STK31: variants seen among roughly 807,000 people sequenced by gnomAD.
STK31 encodes the protein serine/threonine-protein kinase 31.
Under a neutral mutation model 129.7 loss-of-function variants are expected in STK31, and 89 were observed. The ratio of observed to expected loss-of-function variants is 0.69; its 90% CI spans 0.58 to 0.82. STK31 has a LOEUF of 0.82. Ranked by LOEUF, STK31 falls within the 40% of genes least tolerant of loss-of-function variation. STK31 has a pLI of 0.00. For synonymous variants in STK31, 448 were observed against 395.3 expected (o/e 1.13, Z -1.58); for missense variants, 1,187 against 1,176.4 (o/e 1.01, Z -0.13).
At chr7:23,724,846 ATTTG>A (rs1786957475) in intron 4 of STK31, among the ~76,000 whole-genome samples, 1 of 152,082 alleles carries the variant, frequency 6.6e-6, no homozygotes, top group South Asian at 2.1e-4. Flanking sequence ...TTATTTATTT[ATTTG>A]TTTGTCTGAA....
intron 5 of STK31, among the ~76,000 whole-genome samples, chr7:23,728,441 T>A (rs899393672): frequency 1.3e-5 from 2 of 152,208 alleles, no homozygotes; most frequent in African/African-American, 4.8e-5. Flanking sequence ...GAAAATGGTT[T>A]ATTTTAGTGG....
rs944741421 is a variant in STK31, at chr7:23,797,426, GCAAT to G, written c.2760+6484_2760+6487del. Reference sequence around the variant, plus strand: ...TCTTAATGGTCTCTCAGACCACAGTGCAATCAAATTAGAACTCAGGATTAAGAAA... The same window carrying G: ...TCTTAATGGTCTCTCAGACCACAGTGCAAATTAGAACTCAGGATTAAGAAA... On this transcript the variant is annotated intron_variant, in intron 22 of 23. Coordinates refer to ENST00000355870, the MANE Select transcript of STK31 (RefSeq NM_031414.5). 5.9e-5 allele frequency among the ~76,000 whole-genome samples: 9 copies of G among 152,262 alleles called. No homozygotes were observed. In the East Asian group the frequency reaches 1.2e-3, roughly 20 times the overall value.
intron 13 of STK31, 120 bp downstream of exon 13, chr7:23,769,876 C>A (rs530247422): frequency 7.2e-6 from 4 of 557,028 alleles, no homozygotes; most frequent in South Asian, 3.9e-5. Flanking sequence ...TAAGACTGAT[C>A]TTAGCTTTCT....
rs1288866410 is a variant in STK31 at position 23,815,222 on chromosome 7, C to T, written c.2829+10C>T. 1 of 1,560,506 alleles carries T rather than the reference C, an allele frequency of 6.4e-7. No individual in the cohort carries two copies. Among genetic ancestry groups the T allele is most frequent in the East Asian group, 2.3e-5 (1 of 42,730 alleles). On this transcript the variant is annotated intron_variant, in intron 23 of 23. Transcript: ENST00000355870. ...GGATCAGTTTCATCTGGTATGTGAC[C>T]TTTTTGACATTTACTGGTTTGAAAC...
chr7:23,724,467 A>G (rs921520033), intron 4 of STK31, among the ~76,000 whole-genome samples: 1 of 152,254 alleles, frequency 6.6e-6, no homozygotes, highest in Non-Finnish European at 1.5e-5. Flanking sequence ...AGCGAGTTAG[A>G]GTAAAAACAA....
At chr7:23,827,210 T>C (rs1794215828) in intron 23 of STK31, among the ~76,000 whole-genome samples, 1 of 152,244 alleles carries the variant, frequency 6.6e-6, no homozygotes, top group Admixed American at 6.5e-5. Flanking sequence ...TTGGTTCCAT[T>C]CTCTTCGTCA....
intron 6 of STK31, among the ~76,000 whole-genome samples, chr7:23,734,106 T>G (rs187478218): frequency 6.6e-6 from 1 of 152,310 alleles, no homozygotes; most frequent in Admixed American, 6.5e-5. Context: ...TATTTTGTGG[T>G]TTTTAGTGTG....
chr7:23,822,580 G>A (rs866149803), intron 23 of STK31, among the ~76,000 whole-genome samples: 7 of 152,058 alleles, frequency 4.6e-5, no homozygotes, highest in Admixed American at 3.3e-4. Flanking sequence ...TGCAAAGAGG[G>A]ACAGTTTGAC....
intron 8 of STK31, among the ~76,000 whole-genome samples, chr7:23,750,286 G>C (rs912664876): frequency 3.3e-5 from 5 of 152,066 alleles, no homozygotes; most frequent in Admixed American, 2.0e-4. Flanking sequence ...TCTAGGCACT[G>C]CTTCCTGTAG....
chr7:23,764,806 T>G (rs1789705998), intron 11 of STK31, among the ~76,000 whole-genome samples: 1 of 152,168 alleles, frequency 6.6e-6, no homozygotes, highest in African/African-American at 2.4e-5. Flanking sequence ...GATTGTAATG[T>G]ATTTAAAAAT....
intron 10 of STK31, among the ~76,000 whole-genome samples, chr7:23,757,064 G>A (rs1388825600): frequency 6.6e-6 from 1 of 152,148 alleles, no homozygotes; most frequent in African/African-American, 2.4e-5. Flanking sequence ...CAAAAGGAAT[G>A]GTATCAGCTG....
intron 16 of STK31, 78 bp from the exon 17 acceptor site, chr7:23,783,504 TA>T: frequency 1.0e-6 from 1 of 996,846 alleles, no homozygotes; most frequent in Non-Finnish European, 1.5e-6. Flanking sequence ...TAGATGCTGA[TA>T]TATTTTCCTG....
intron 15 of STK31, among the ~76,000 whole-genome samples, chr7:23,774,659 G>A (rs1339146945): frequency 6.6e-6 from 1 of 151,898 alleles, no homozygotes; most frequent in Non-Finnish European, 1.5e-5. Flanking sequence ...TTTAAGTCGT[G>A]GTAGATTCTG....
chr7:23,786,315 G>C (rs1052115548), intron 18 of STK31, among the ~76,000 whole-genome samples, 193 bp from the exon 19 acceptor site: 1 of 151,972 alleles, frequency 6.6e-6, no homozygotes, highest in African/African-American at 2.4e-5. Flanking sequence ...TGTGTAGCAG[G>C]CTACAGGTAG....
At chr7:23,798,957 CAAAG>C (rs1249147805) in intron 22 of STK31, among the ~76,000 whole-genome samples, 3 of 152,106 alleles carry the variant, frequency 2.0e-5, no homozygotes, top group Non-Finnish European at 4.4e-5. Flanking sequence ...CCGTAACAGA[CAAAG>C]AGCCAAATCA....
At chr7:23,754,178 TAA>T in intron 9 of STK31, 135 bp from the exon 10 acceptor site, 5 of 635,068 alleles carry the variant, frequency 7.9e-6, no homozygotes, top group Non-Finnish European at 1.2e-5. Context: ...TGATTTTATA[TAA>T]AGTTTTAAAA....
chr7:23,735,462 G>T, intron 6 of STK31, 76 bp from the exon 7 acceptor site: 1 of 1,310,160 alleles, frequency 7.6e-7, no homozygotes, highest in Non-Finnish European at 1.1e-6. Context: ...TATGATGCTT[G>T]GAAAAAATGG....
intron 21 of STK31, among the ~76,000 whole-genome samples, chr7:23,789,834 C>T (rs1791511214): frequency 6.6e-6 from 1 of 152,032 alleles, no homozygotes; most frequent in African/African-American, 2.4e-5. Context: ...TTCCCCAAAA[C>T]ATTGTTTTTA....
chr7:23,813,579 C>T (rs141655868), intron 22 of STK31, among the ~76,000 whole-genome samples: 14 of 152,212 alleles, frequency 9.2e-5, no homozygotes, highest in Non-Finnish European at 1.2e-4. Context: ...GTGGTTTTAA[C>T]GACAATCTAA....
Sources: gnomAD v4.1 joint callset for allele counts (sites outside exome capture counted in the v4.1 genomes callset) on GRCh38, gnomAD v4.1.1 for gene constraint, MANE v1.5 for transcripts, NCBI Gene and HGNC (gene_info 2026-07-23, HGNC 2026-07-21) for gene names.